DPYD: variants seen among roughly 807,000 people sequenced by gnomAD.
The protein encoded by DPYD is dihydropyrimidine dehydrogenase [NADP(+)].
Under a neutral mutation model 116.2 loss-of-function variants are expected in DPYD, and 109 were observed. That is an observed-to-expected ratio of 0.94 (90% CI 0.80 to 1.10). The LOEUF is 1.10. DPYD is among the 50% of genes least tolerant of loss of function. DPYD has a pLI of 0.00. For missense variants in DPYD, 1,302 were observed against 1,254.5 expected (o/e 1.04, Z -0.57); for synonymous variants, 440 against 432.0 (o/e 1.02, Z -0.23).
intron 2 of DPYD, among the ~76,000 whole-genome samples, chr1:97,865,597 T>A (rs1163891727): frequency 6.6e-6 from 1 of 151,914 alleles, no homozygotes; most frequent in Non-Finnish European, 1.5e-5. Context: ...GGCAGTAAAT[T>A]TTTTTCTAAA....
At chr1:97,363,920 T>A (rs571271671) in intron 16 of DPYD, among the ~76,000 whole-genome samples, 1 of 152,326 alleles carries the variant, frequency 6.6e-6, no homozygotes, top group South Asian at 2.1e-4. Context: ...CTGCACGTTG[T>A]GCACATGTAC....
chr1:97,500,851 T>C (rs1385028372), intron 13 of DPYD, among the ~76,000 whole-genome samples: 2 of 152,116 alleles, frequency 1.3e-5, no homozygotes, highest in African/African-American at 2.4e-5. Flanking sequence ...TCCAGTCATG[T>C]TCTCTGCCAG....
At chr1:97,712,468 T>C (rs1400396129) in intron 5 of DPYD, among the ~76,000 whole-genome samples, 3 of 152,118 alleles carry the variant, frequency 2.0e-5, no homozygotes, top group African/African-American at 7.2e-5. Context: ...TACATATTAA[T>C]TTTAAAGGCC....
At chr1:97,430,933 A>G (rs4353133) in intron 14 of DPYD, among the ~76,000 whole-genome samples, 124,709 of 151,426 alleles carry the variant, frequency 0.82, 51,654 homozygotes, top group Non-Finnish European at 0.87. Flanking sequence ...TGAGTTCAGA[A>G]GGAAAAAAAA....
intron 10 of DPYD, among the ~76,000 whole-genome samples, chr1:97,582,028 T>A (rs968426112): frequency 6.6e-6 from 1 of 152,188 alleles, no homozygotes; most frequent in African/African-American, 2.4e-5. Context: ...TCCTTACCAA[T>A]GGAATGCTTT....
chr1:97,642,703 G>A (rs1416903807), intron 8 of DPYD, among the ~76,000 whole-genome samples: 1 of 134,760 alleles, frequency 7.4e-6, no homozygotes, highest in South Asian at 2.5e-4. Context: ...GACACAGGAA[G>A]GGGAACATCA....
intron 13 of DPYD, among the ~76,000 whole-genome samples, chr1:97,456,357 T>C (rs1348368427): frequency 6.6e-6 from 1 of 152,078 alleles, no homozygotes; most frequent in Non-Finnish European, 1.5e-5. Context: ...TATGCAACTA[T>C]ACCTCAGCTA....
chr1:97,293,587 T>C (rs1018664304), intron 18 of DPYD, among the ~76,000 whole-genome samples: 1 of 152,188 alleles, frequency 6.6e-6, no homozygotes, highest in Non-Finnish European at 1.5e-5. Context: ...TTCTATTAGC[T>C]AGAATTTCTT....
intron 3 of DPYD, among the ~76,000 whole-genome samples, chr1:97,780,168 C>T (rs1029876880): frequency 6.6e-6 from 1 of 152,150 alleles, no homozygotes; most frequent in African/African-American, 2.4e-5. Context: ...CTTTTGTAAT[C>T]ACCTTTGTGT....
At chr1:97,683,800 G>T (rs1214041196) in intron 7 of DPYD, among the ~76,000 whole-genome samples, 4 of 151,688 alleles carry the variant, frequency 2.6e-5, no homozygotes, top group Admixed American at 6.6e-5. Flanking sequence ...AAAAAATAAT[G>T]AATTATATCA....
chr1:97,228,887 G>A (rs1661377748), intron 19 of DPYD, among the ~76,000 whole-genome samples: 1 of 151,940 alleles, frequency 6.6e-6, no homozygotes, highest in South Asian at 2.1e-4. Flanking sequence ...AAAAAGATTC[G>A]AACTAACTGC....
chr1:97,648,546 A>T (rs926814540), intron 8 of DPYD, among the ~76,000 whole-genome samples: 21 of 151,042 alleles, frequency 1.4e-4, no homozygotes, highest in African/African-American at 4.9e-4. Flanking sequence ...ACACTTTATT[A>T]AAAAAAAAGA....
At position 97,195,791 on chromosome 1, in the gene DPYD, TAAGG is replaced by T. The variant is rs764841595; in HGVS notation, c.2443-2547_2443-2544del. Among the ~76,000 whole-genome samples the T allele has an allele frequency of 2.7e-3, 398 of 148,146 alleles. 2 individuals are homozygous for T. The highest frequency in any genetic ancestry group is 4.8e-3 in the Non-Finnish European group (322 of 67,102). The stretch of plus-strand genomic sequence containing the variant: ...GAATGCTAGCACTTAAAAGGAAGGC[TAAGG>T]AAGATGATCGTGAGGGACACCGAGC... On this transcript the variant is annotated intron_variant, in intron 19 of 22. Transcript: ENST00000370192.
At chr1:97,518,679 A>G (rs770687424) in intron 12 of DPYD, among the ~76,000 whole-genome samples, 47 of 152,254 alleles carry the variant, frequency 3.1e-4, no homozygotes, top group Non-Finnish European at 4.3e-4. Context: ...TCAATTTCAG[A>G]AAATACTATT....
intron 6 of DPYD, among the ~76,000 whole-genome samples, chr1:97,694,318 T>C (rs1372821927): frequency 6.6e-6 from 1 of 152,192 alleles, no homozygotes; most frequent in Admixed American, 6.5e-5. Flanking sequence ...TATTCACTAA[T>C]GGATGAAGTC....
intron 18 of DPYD, among the ~76,000 whole-genome samples, chr1:97,271,965 C>T (rs576701158): frequency 4.9e-4 from 75 of 152,274 alleles, no homozygotes; most frequent in Middle Eastern, 6.8e-3. Context: ...TAAGTAATTG[C>T]TAGCCTCTTT....
chr1:97,078,973 AC>A lies in DPYD; in HGVS notation c.*2del. 1 of 1,613,574 alleles carries A rather than the reference AC, an allele frequency of 6.2e-7. No individual in the cohort carries two copies. The highest frequency in any genetic ancestry group is 8.5e-7 in the Non-Finnish European group (1 of 1,179,568). ...GTTCACAGCAACTGTTTCACAAATC[AC>A]CTTAACACACCGGATTCACAGATAA... On this transcript the variant is annotated 3_prime_UTR_variant, in exon 23 of 23. Coordinates refer to ENST00000370192, the MANE Select transcript of DPYD (RefSeq NM_000110.4).
intron 3 of DPYD, among the ~76,000 whole-genome samples, chr1:97,792,248 T>C (rs941613671): frequency 5.3e-5 from 8 of 152,068 alleles, no homozygotes; most frequent in African/African-American, 1.9e-4. Flanking sequence ...AAGAGAAAAA[T>C]ACTGCTACTG....
intron 19 of DPYD, among the ~76,000 whole-genome samples, chr1:97,227,331 CAA>C (rs60992225): frequency 0.012 from 313 of 26,312 alleles, no homozygotes; most frequent in African/African-American, 0.035. Flanking sequence ...GACTCTATCT[CAA>C]AAAAAAAAAA....
Sources: gnomAD v4.1 joint callset for allele counts (sites outside exome capture counted in the v4.1 genomes callset) on GRCh38, gnomAD v4.1.1 for gene constraint, MANE v1.5 for transcripts, NCBI Gene and HGNC (gene_info 2026-07-23, HGNC 2026-07-21) for gene names.